Variants in SLC14A2 observed in about 807,000 individuals in gnomAD.
SLC14A2 encodes the protein urea transporter 2.
In SLC14A2, 91 loss-of-function variants were observed where a neutral mutation model predicts 104.6. The observed-to-expected ratio is 0.87, with a 90% CI of 0.73 to 1.04. SLC14A2 has a LOEUF of 1.04. SLC14A2 is among the 50% of genes least tolerant of loss of function. SLC14A2 has a pLI of 0.00. For synonymous variants in SLC14A2, 476 were observed against 466.4 expected, an observed-to-expected ratio of 1.02 and a Z score of -0.27; for missense variants, 1,189 against 1,156.0, an observed-to-expected ratio of 1.03 and a Z score of -0.41.
At chr18:45,260,407 C>T (rs184536396) in intron 1 of SLC14A2, among the ~76,000 whole-genome samples, 1 of 152,290 alleles carries the variant, frequency 6.6e-6, no homozygotes, top group East Asian at 1.9e-4. Context: ...GTAGCATTTA[C>T]CATGTTGCAA....
intron 2 of SLC14A2, among the ~76,000 whole-genome samples, chr18:45,591,126 G>T (rs1281759728): frequency 3.3e-5 from 5 of 152,086 alleles, no homozygotes; most frequent in Non-Finnish European, 7.4e-5. Context: ...ACCCCCATTG[G>T]AGGTGTATTT....
intron 1 of SLC14A2, among the ~76,000 whole-genome samples, chr18:45,236,049 G>A (rs1325874740): frequency 5.0e-5 from 2 of 40,306 alleles, no homozygotes; most frequent in South Asian, 7.0e-4. Context: ...GTATATATGT[G>A]TATATATACA....
chr18:45,601,745 A>G (rs1163098669), intron 2 of SLC14A2, among the ~76,000 whole-genome samples: 1 of 152,244 alleles, frequency 6.6e-6, no homozygotes, highest in East Asian at 1.9e-4. Context: ...AGACTGGCCC[A>G]TTAATAAGCA....
intron 1 of SLC14A2, among the ~76,000 whole-genome samples, chr18:45,280,041 C>A (rs2084745740): frequency 6.6e-6 from 1 of 152,164 alleles, no homozygotes; most frequent in Non-Finnish European, 1.5e-5. Flanking sequence ...GCCAAATGTC[C>A]CCTGGTGGGA....
chr18:45,238,768 G>A (rs2084282001), intron 1 of SLC14A2, among the ~76,000 whole-genome samples: 1 of 152,240 alleles, frequency 6.6e-6, no homozygotes, highest in South Asian at 2.1e-4. Flanking sequence ...CGGCAATGTT[G>A]GCAGGGATAG....
chr18:45,414,755 A>ATAT (rs1555684068), intron 1 of SLC14A2, among the ~76,000 whole-genome samples: 46 of 64,068 alleles, frequency 7.2e-4, no homozygotes, highest in Middle Eastern at 7.2e-3. Flanking sequence ...AAAAAAAAAA[A>ATAT]AAATATATAT....
chr18:45,663,776 C>G lies in SLC14A2; in HGVS notation c.1352-9C>G, dbSNP rs771289436. Reference sequence around the variant, plus strand: ...GGACACTGACCTGTCTTGTTTTGCCCCTGGCTAGGAGGCGGTGGGGAGCAT... The same window carrying G: ...GGACACTGACCTGTCTTGTTTTGCCGCTGGCTAGGAGGCGGTGGGGAGCAT... On this transcript the variant is annotated splice_polypyrimidine_tract_variant and intron_variant, in intron 10 of 19. Coordinates refer to ENST00000255226, the MANE Select transcript of SLC14A2 (RefSeq NM_007163.4). 1 of 1,611,146 alleles carries G rather than the reference C, an allele frequency of 6.2e-7. No homozygotes were observed. Among genetic ancestry groups the G allele is most frequent in the Non-Finnish European group, 8.5e-7 (1 of 1,179,278 alleles).
intron 1 of SLC14A2, among the ~76,000 whole-genome samples, chr18:45,281,633 G>A (rs893499470): frequency 1.3e-5 from 2 of 152,140 alleles, no homozygotes; most frequent in African/African-American, 4.8e-5. Flanking sequence ...TGAGGGCTGG[G>A]GGGTGCAATT....
At chr18:45,663,111 T>C (rs1337102641) in intron 10 of SLC14A2, among the ~76,000 whole-genome samples, 2 of 152,166 alleles carry the variant, frequency 1.3e-5, no homozygotes, top group Non-Finnish European at 2.9e-5. Context: ...TGGTCAGGCT[T>C]TAATAAGCAC....
chr18:45,363,044 T>C (rs923517190), intron 1 of SLC14A2, among the ~76,000 whole-genome samples: 4 of 152,180 alleles, frequency 2.6e-5, no homozygotes, highest in Admixed American at 2.0e-4. Flanking sequence ...TGCCCCTGCC[T>C]GCCCTTCCCT....
chr18:45,179,349 C>G, the SLC14A2 span, among the ~76,000 whole-genome samples: 4 of 152,160 alleles, frequency 2.6e-5, no homozygotes, highest in African/African-American at 9.7e-5. Context: ...GCCCATTTCT[C>G]TCCTCTCTCC....
intron 18 of SLC14A2, among the ~76,000 whole-genome samples, chr18:45,677,495 C>T (rs2046245635): frequency 6.6e-6 from 1 of 152,206 alleles, no homozygotes; most frequent in Admixed American, 6.5e-5. Context: ...GCCATGTAAT[C>T]CTGGGCAAGT....
intron 10 of SLC14A2, 95 bp downstream of exon 10, chr18:45,644,255 CCTT>C: frequency 8.1e-7 from 1 of 1,234,898 alleles, no homozygotes; most frequent in Non-Finnish European, 1.2e-6. Flanking sequence ...GCAGCACTCA[CCTT>C]CTTTGCCTCT....
chr18:45,570,973 G>A (rs1159768946), intron 2 of SLC14A2, among the ~76,000 whole-genome samples: 1 of 152,152 alleles, frequency 6.6e-6, no homozygotes, highest in Non-Finnish European at 1.5e-5. Context: ...GATGAATGGA[G>A]GAAAGAACAT....
At chr18:45,178,254 AGAT>A in the SLC14A2 span, among the ~76,000 whole-genome samples, 29 of 152,008 alleles carry the variant, frequency 1.9e-4, no homozygotes, top group Non-Finnish European at 5.9e-5. Flanking sequence ...TATAGAAACA[AGAT>A]GAAAATTTGA....
chr18:45,403,893 C>T (rs1363068618), intron 1 of SLC14A2, among the ~76,000 whole-genome samples: 3 of 152,188 alleles, frequency 2.0e-5, no homozygotes, highest in Non-Finnish European at 4.4e-5. Context: ...ACTTCTGTGA[C>T]TTGACTGTAT....
chr18:45,526,831 A>G (rs2043599459), intron 2 of SLC14A2, among the ~76,000 whole-genome samples: 1 of 152,190 alleles, frequency 6.6e-6, no homozygotes, highest in Non-Finnish European at 1.5e-5. Flanking sequence ...CAGGAAATTT[A>G]TGGACAAGGA....
chr18:45,412,482 C>T (rs2086225716), intron 1 of SLC14A2, among the ~76,000 whole-genome samples: 1 of 152,178 alleles, frequency 6.6e-6, no homozygotes, highest in Non-Finnish European at 1.5e-5. Flanking sequence ...AAACTGGGGA[C>T]TTTCACAGGA....
intron 1 of SLC14A2, among the ~76,000 whole-genome samples, chr18:45,432,982 A>T: frequency 6.6e-6 from 1 of 152,130 alleles, no homozygotes; most frequent in Non-Finnish European, 1.5e-5. Flanking sequence ...AGATTTGCTA[A>T]CTGTTTTCTA....
Sources: allele counts gnomAD v4.1 joint callset (sites outside exome capture counted in the v4.1 genomes callset), GRCh38; gene constraint gnomAD v4.1.1; transcripts MANE v1.5; gene names NCBI Gene and HGNC (gene_info 2026-07-23, HGNC 2026-07-21).